The following KSR2 variants were observed in gnomAD, a reference collection of about 807,000 sequenced individuals.
KSR2 encodes the protein kinase suppressor of ras 2.
Under a neutral mutation model 107.8 loss-of-function variants are expected in KSR2, and 25 were observed. The ratio of observed to expected loss-of-function variants is 0.23; its 90% CI spans 0.17 to 0.32. The LOEUF (loss-of-function observed/expected upper bound fraction) is 0.32, where lower values mean the gene tolerates loss of function less well. Among genes scored for constraint, KSR2 ranks in the 10% least tolerant of loss-of-function variants. KSR2 has a pLI of 1.00. For missense variants in KSR2, 887 were observed against 1,268.9 expected (o/e 0.70, Z 4.57); for synonymous variants, 480 against 507.0 (o/e 0.95, Z 0.71).
chr12:117,830,092 A>AC (rs1375208200), intron 3 of KSR2, among the ~76,000 whole-genome samples: 3 of 151,384 alleles, frequency 2.0e-5, no homozygotes, highest in African/African-American at 7.3e-5. Flanking sequence ...ACGTGGTGAA[A>AC]CCCCGCCTCT....
At chr12:117,967,993 G>A (rs1190080190) in intron 1 of KSR2, 83 bp downstream of exon 1, 1 of 1,261,936 alleles carries the variant, frequency 7.9e-7, no homozygotes, top group Non-Finnish European at 1.1e-6. Context: ...GAGGGAAAGG[G>A]GACCGTGGGG....
At chr12:117,577,621 G>A (rs1014000903) in intron 7 of KSR2, among the ~76,000 whole-genome samples, 3 of 152,150 alleles carry the variant, frequency 2.0e-5, no homozygotes, top group Non-Finnish European at 2.9e-5. Context: ...TCACAATCCC[G>A]GTGGAAGGCA....
intron 4 of KSR2, among the ~76,000 whole-genome samples, chr12:117,731,279 C>T (rs1467464761): frequency 2.6e-5 from 4 of 150,988 alleles, no homozygotes; most frequent in Non-Finnish European, 5.9e-5. Flanking sequence ...CAGCAGCCGC[C>T]CCGTCTGGGA....
chr12:117,831,424 C>A (rs2137115030), intron 3 of KSR2, among the ~76,000 whole-genome samples: 1 of 152,316 alleles, frequency 6.6e-6, no homozygotes, highest in African/African-American at 2.4e-5. Flanking sequence ...CGTTGCTTGG[C>A]AGCTGCCCTT....
chr12:117,843,928 CCTTT>C (rs1892598900), intron 3 of KSR2, among the ~76,000 whole-genome samples: 2 of 136,270 alleles, frequency 1.5e-5, no homozygotes, highest in African/African-American at 5.4e-5. Flanking sequence ...CTTAAGCTTC[CCTTT>C]TTTTTTTTTT....
intron 4 of KSR2, among the ~76,000 whole-genome samples, chr12:117,678,027 TG>T (rs750614848): frequency 5.8e-4 from 88 of 151,946 alleles, no homozygotes; most frequent in Non-Finnish European, 6.5e-4. Context: ...CTCCGCCTCA[TG>T]GGTTCAACTC....
At chr12:117,538,552 A>T (rs1876217576) in intron 10 of KSR2, among the ~76,000 whole-genome samples, 1 of 151,932 alleles carries the variant, frequency 6.6e-6, no homozygotes, top group Non-Finnish European at 1.5e-5. Context: ...GATTTTTTTC[A>T]TAGTGTGAAG....
chr12:117,786,730 C>G (rs1890089253), intron 3 of KSR2, among the ~76,000 whole-genome samples: 1 of 152,114 alleles, frequency 6.6e-6, no homozygotes, highest in African/African-American at 2.4e-5. Flanking sequence ...GCAGGAGAAT[C>G]ACATGCACCC....
intron 3 of KSR2, among the ~76,000 whole-genome samples, chr12:117,798,220 A>C (rs1411097378): frequency 6.6e-6 from 1 of 152,202 alleles, no homozygotes; most frequent in Non-Finnish European, 1.5e-5. Context: ...AGTGGAGAAG[A>C]AGCTGCCCTG....
intron 4 of KSR2, among the ~76,000 whole-genome samples, chr12:117,698,519 T>G (rs1388512268): frequency 6.6e-6 from 1 of 152,048 alleles, no homozygotes; most frequent in East Asian, 1.9e-4. Flanking sequence ...AGAGACAAGG[T>G]TTTGCTATGT....
intron 4 of KSR2, among the ~76,000 whole-genome samples, chr12:117,752,762 G>A (rs1208762241): frequency 1.3e-5 from 2 of 152,120 alleles, no homozygotes; most frequent in East Asian, 3.8e-4. Context: ...AGCTTCTCCT[G>A]CACATTTAAA....
chr12:117,888,475 C>G (rs1426380073), intron 1 of KSR2, among the ~76,000 whole-genome samples: 1 of 152,088 alleles, frequency 6.6e-6, no homozygotes, highest in Non-Finnish European at 1.5e-5. Context: ...TATATTGAAT[C>G]CCTAACTCCC....
chr12:117,578,790 C>A (rs1879454990), intron 7 of KSR2, among the ~76,000 whole-genome samples: 1 of 152,096 alleles, frequency 6.6e-6, no homozygotes, highest in African/African-American at 2.4e-5. Context: ...GTCTGCAAAG[C>A]CTAAAATATT....
At chr12:117,955,814 G>A (rs1896494120) in intron 1 of KSR2, among the ~76,000 whole-genome samples, 1 of 148,536 alleles carries the variant, frequency 6.7e-6, no homozygotes, top group African/African-American at 2.5e-5. Context: ...TATACAGTGA[G>A]CCACCTTTGT....
At chr12:117,876,002 G>C (rs1893836032) in intron 1 of KSR2, among the ~76,000 whole-genome samples, 1 of 152,088 alleles carries the variant, frequency 6.6e-6, no homozygotes, top group Admixed American at 6.5e-5. Context: ...CAACATCCTT[G>C]GTGGTTAAAC....
intron 3 of KSR2, among the ~76,000 whole-genome samples, chr12:117,831,414 C>T (rs1891960560): frequency 2.0e-5 from 3 of 152,194 alleles, no homozygotes; most frequent in South Asian, 2.1e-4. Context: ...ACCTGAACCA[C>T]GTTGCTTGGC....
chr12:117,602,315 C>T (rs1024333114), intron 5 of KSR2, among the ~76,000 whole-genome samples: 1 of 152,180 alleles, frequency 6.6e-6, no homozygotes, highest in Non-Finnish European at 1.5e-5. Flanking sequence ...GCACAAACAT[C>T]ACCTCTGTAT....
chr12:117,942,244 C>A (rs758725004), intron 1 of KSR2, among the ~76,000 whole-genome samples: 1 of 151,988 alleles, frequency 6.6e-6, no homozygotes, highest in African/African-American at 2.4e-5. Context: ...TATTCCAAAT[C>A]TTCTCTTCTA....
At position 117,761,086 on chromosome 12, in the gene KSR2, C is replaced by A. The variant is rs1037344443; in HGVS notation, c.911G>T (p.Gly304Val). 2 of 1,613,766 alleles carry A rather than the reference C, an allele frequency of 1.2e-6. No individual in the cohort carries two copies. The highest frequency in any genetic ancestry group is 1.7e-5 in the Admixed American group (1 of 60,020). ...SSRKLIHLIP[G>V]FTALHRSKSH... ...TTTGCTCCGATGCAGCGCGGTGAATCCCGGGATCAAGTGTATCAGTTTTCG... is the reference window on the plus strand; with the variant it reads ...TTTGCTCCGATGCAGCGCGGTGAATACCGGGATCAAGTGTATCAGTTTTCG... The change falls in exon 4 of 20, where the codon GGA becomes GTA. Residue 304 changes from glycine (G) to valine (V), a missense_variant. By Grantham distance (109) the Gly-to-Val change is moderately radical. Coordinates refer to ENST00000339824, the MANE Select transcript of KSR2 (RefSeq NM_173598.6).
Sources: gnomAD v4.1 joint callset for allele counts (sites outside exome capture counted in the v4.1 genomes callset) on GRCh38, gnomAD v4.1.1 for gene constraint, MANE v1.5 for transcripts, NCBI Gene and HGNC (gene_info 2026-07-23, HGNC 2026-07-21) for gene names.